PDZD2: variants seen among roughly 807,000 people sequenced by gnomAD.
The protein encoded by PDZD2 is PDZ domain containing 2, also known as PDZ domain-containing protein 2.
Under a neutral mutation model 220.7 loss-of-function variants are expected in PDZD2, and 90 were observed. The ratio of observed to expected loss-of-function variants is 0.41; its 90% CI spans 0.34 to 0.49. The LOEUF (loss-of-function observed/expected upper bound fraction) is 0.49. Among genes scored for constraint, PDZD2 ranks in the 20% least tolerant of loss-of-function variants. PDZD2 has a pLI of 0.28. For synonymous variants in PDZD2, 1,375 were observed against 1,450.5 expected, an observed-to-expected ratio of 0.95 and a Z score of 1.18; for missense variants, 3,174 against 3,608.5, an observed-to-expected ratio of 0.88 and a Z score of 3.08.
chr5:31,844,834 C>T (rs1175881766), intron 2 of PDZD2, among the ~76,000 whole-genome samples: 2 of 152,016 alleles, frequency 1.3e-5, no homozygotes, highest in Non-Finnish European at 2.9e-5. Context: ...GTGTGGGCCC[C>T]GCCTAGAGGT....
intron 2 of PDZD2, among the ~76,000 whole-genome samples, chr5:31,958,944 A>G (rs919895404): frequency 1.3e-4 from 19 of 150,128 alleles, no homozygotes; most frequent in Non-Finnish European, 1.5e-5. Flanking sequence ...CGATTGATTG[A>G]TTGATTGAGA....
intron 6 of PDZD2, among the ~76,000 whole-genome samples, chr5:32,024,372 C>T (rs996182601): frequency 2.6e-5 from 4 of 152,114 alleles, no homozygotes; most frequent in Admixed American, 6.6e-5. Flanking sequence ...GGGTGGAAGA[C>T]GTGAACAGAA....
intron 2 of PDZD2, among the ~76,000 whole-genome samples, chr5:31,830,856 C>A (rs553028989): frequency 1.3e-5 from 2 of 152,340 alleles, no homozygotes; most frequent in African/African-American, 4.8e-5. Flanking sequence ...ATTCTGATTT[C>A]TTTGCTTTTC....
intron 1 of PDZD2, among the ~76,000 whole-genome samples, chr5:31,665,962 C>T (rs1420295138): frequency 1.3e-5 from 2 of 152,174 alleles, no homozygotes; most frequent in Non-Finnish European, 2.9e-5. Flanking sequence ...TTCATTCACA[C>T]GTTCAATTTT....
At chr5:31,880,791 C>CTTTTTTTTTTTTTTTTTTTTTTTTTTT (rs1037018187) in intron 2 of PDZD2, among the ~76,000 whole-genome samples, 1 of 76,486 alleles carries the variant, frequency 1.3e-5, no homozygotes, top group Non-Finnish European at 2.4e-5. Flanking sequence ...TTTTTTTTTT[C>CTTTTTTTTTTTTTTTTTTTTTTTTTTT]TTTTTTTTTT....
intron 2 of PDZD2, among the ~76,000 whole-genome samples, chr5:31,821,391 T>TATTATTATTATTA (rs200302561): frequency 5.3e-4 from 79 of 148,080 alleles, no homozygotes; most frequent in Admixed American, 2.7e-3. Flanking sequence ...ATTATTATTT[T>TATTATTATTATTA]TTTTTTTTGA....
At chr5:31,925,676 C>T (rs1443322591) in intron 2 of PDZD2, among the ~76,000 whole-genome samples, 6 of 151,270 alleles carry the variant, frequency 4.0e-5, no homozygotes, top group Non-Finnish European at 5.9e-5. Flanking sequence ...AGACAACCCA[C>T]GGAATGGGAT....
In PDZD2 at chr5:31,988,189, C is replaced by T. The variant is rs150472245; in HGVS notation, c.978+4533C>T. Among the ~76,000 whole-genome samples the T allele has an allele frequency of 3.9e-3, 593 of 152,314 alleles. 2 individuals carry two copies. Among genetic ancestry groups the T allele is most frequent in the Non-Finnish European group, 6.0e-3 (406 of 68,032 alleles). On this transcript the variant is annotated intron_variant, in intron 3 of 24. Coordinates refer to ENST00000438447, the MANE Select transcript of PDZD2 (RefSeq NM_178140.4). ...ATACATGTGCATGCACACACACGCACACTGTAGCTGAAACCCGTTTGGTGG... is the reference window on the plus strand; with the variant it reads ...ATACATGTGCATGCACACACACGCATACTGTAGCTGAAACCCGTTTGGTGG...
intron 1 of PDZD2, among the ~76,000 whole-genome samples, chr5:31,707,364 G>A (rs59279761): frequency 6.6e-6 from 1 of 151,942 alleles, no homozygotes; most frequent in East Asian, 1.9e-4. Context: ...GGTGTCCTTA[G>A]AAGAAGAGGT....
intron 1 of PDZD2, among the ~76,000 whole-genome samples, chr5:31,782,579 A>G (rs946574666): frequency 6.6e-6 from 1 of 152,096 alleles, no homozygotes; most frequent in African/African-American, 2.4e-5. Context: ...AAGTACAGGT[A>G]TCTGCTCGCT....
intron 1 of PDZD2, chr5:31,738,396 A>T (rs1193530414): frequency 6.6e-6 from 1 of 152,274 alleles, no homozygotes; most frequent in African/African-American, 2.4e-5. Flanking sequence ...CTGGCTTCAG[A>T]AGGCTGCAGG....
intron 19 of PDZD2, among the ~76,000 whole-genome samples, chr5:32,085,248 A>G (rs1581454051): frequency 6.9e-6 from 1 of 145,726 alleles, no homozygotes; most frequent in Non-Finnish European, 1.5e-5. Flanking sequence ...CACCGTGCCC[A>G]GCTGCCTTTT....
At chr5:31,881,616 G>A (rs923662936) in intron 2 of PDZD2, among the ~76,000 whole-genome samples, 4 of 151,630 alleles carry the variant, frequency 2.6e-5, no homozygotes, top group East Asian at 1.9e-4. Flanking sequence ...GACCTCAGGC[G>A]ATCCACCCAC....
chr5:31,873,739 C>T (rs1580959116), intron 2 of PDZD2, among the ~76,000 whole-genome samples: 1 of 145,104 alleles, frequency 6.9e-6, no homozygotes, highest in Non-Finnish European at 1.5e-5. Flanking sequence ...AGTCTTGAGT[C>T]TTTTTTTTTT....
chr5:31,858,908 G>A (rs186878977), intron 2 of PDZD2, among the ~76,000 whole-genome samples: 75 of 152,114 alleles, frequency 4.9e-4, no homozygotes, highest in African/African-American at 1.6e-3. Flanking sequence ...TAGTAGAGTC[G>A]GGGTTTCACC....
intron 2 of PDZD2, among the ~76,000 whole-genome samples, chr5:31,978,443 G>A (rs1010290224): frequency 3.3e-5 from 5 of 152,200 alleles, no homozygotes; most frequent in African/African-American, 1.2e-4. Context: ...AGAATGGCCA[G>A]GCATGGTGGC....
Position 31,830,810 on chromosome 5 carries a change from T to G in PDZD2, c.476+31086T>G, listed in dbSNP as rs72757909. On this transcript the variant is annotated intron_variant, in intron 2 of 24. Coordinates refer to ENST00000438447, the MANE Select transcript of PDZD2 (RefSeq NM_178140.4). ...TGATCTGTACAGATAGAAAGGACAC[T>G]TCTTGAGAGTCTTTTGGGAGAAGCC... is the stretch of plus-strand genomic sequence containing the variant. Among the ~76,000 whole-genome samples, 977 of 152,350 alleles carry G rather than the reference T, an allele frequency of 6.4e-3. 4 individuals are homozygous for G. The highest frequency in any genetic ancestry group is 0.01 in the Non-Finnish European group (714 of 68,028).
intron 1 of PDZD2, among the ~76,000 whole-genome samples, chr5:31,718,032 A>G (rs1038085110): frequency 2.0e-5 from 3 of 152,194 alleles, no homozygotes; most frequent in African/African-American, 7.2e-5. Flanking sequence ...CTGGTTTGAC[A>G]GTCCTGTCAG....
chr5:31,852,565 C>T (rs974052039), intron 2 of PDZD2, among the ~76,000 whole-genome samples: 7 of 151,566 alleles, frequency 4.6e-5, no homozygotes, highest in Admixed American at 4.6e-4. Flanking sequence ...GGATTACAGG[C>T]ATGAGCCACC....
Sources: allele counts gnomAD v4.1 joint callset (sites outside exome capture counted in the v4.1 genomes callset), GRCh38; gene constraint gnomAD v4.1.1; transcripts MANE v1.5; gene names NCBI Gene and HGNC (gene_info 2026-07-23, HGNC 2026-07-21).